The following DISP1 variants were observed in gnomAD, a reference collection of about 807,000 sequenced individuals.
The protein encoded by DISP1 is dispatched RND transporter family member 1.
In DISP1, 30 loss-of-function variants were observed where a neutral mutation model predicts 37.3. The ratio of observed to expected loss-of-function variants is 0.80; its 90% CI spans 0.60 to 1.09. The LOEUF (loss-of-function observed/expected upper bound fraction) is 1.09, where lower values mean the gene tolerates loss of function less well. Ranked by LOEUF, DISP1 falls within the 50% of genes least tolerant of loss-of-function variation. The probability of loss-of-function intolerance (pLI) is 0.00; values close to 1 mark genes in which losing one functional copy is unlikely to be tolerated. For missense variants in DISP1, 1,598 were observed against 1,879.5 expected, an observed-to-expected ratio of 0.85 and a Z score of 2.77; for synonymous variants, 634 against 690.2, an observed-to-expected ratio of 0.92 and a Z score of 1.28.
intron 1 of DISP1, among the ~76,000 whole-genome samples, chr1:222,913,449 C>T (rs578137678): frequency 6.6e-6 from 1 of 152,190 alleles, no homozygotes; most frequent in South Asian, 2.1e-4. Context: ...CATAAAATAT[C>T]TAAATTACTT....
chr1:222,827,424 T>C (rs1339183541), intron 1 of DISP1: 1 of 152,184 alleles, frequency 6.6e-6, no homozygotes, highest in Non-Finnish European at 1.5e-5. Flanking sequence ...TTTTTTGTTC[T>C]TAGAGTCAAC....
intron 1 of DISP1, among the ~76,000 whole-genome samples, chr1:222,889,213 T>A (rs1187086198): frequency 6.6e-6 from 1 of 152,132 alleles, no homozygotes; most frequent in Non-Finnish European, 1.5e-5. Context: ...AAGTTTTATG[T>A]TAAGAACAGG....
chr1:222,936,616 G>GGT (rs1673760304), intron 2 of DISP1, among the ~76,000 whole-genome samples: 1 of 89,462 alleles, frequency 1.1e-5, no homozygotes, highest in Non-Finnish European at 2.3e-5. Flanking sequence ...ATATATATGA[G>GGT]ATATATATAT....
chr1:222,826,542 A>G (rs1219994317), intron 1 of DISP1, among the ~76,000 whole-genome samples: 2 of 151,562 alleles, frequency 1.3e-5, no homozygotes, highest in Non-Finnish European at 2.9e-5. Flanking sequence ...CACCATGCTC[A>G]GCTAATTTTT....
chr1:222,826,377 CTTT>C (rs376799233), intron 1 of DISP1, among the ~76,000 whole-genome samples: 15 of 110,376 alleles, frequency 1.4e-4, no homozygotes, highest in African/African-American at 4.2e-4. Context: ...CACTTTAATA[CTTT>C]TTTTTTTTTT....
At chr1:222,868,049 T>C (rs1320148749) in intron 1 of DISP1, among the ~76,000 whole-genome samples, 1 of 152,154 alleles carries the variant, frequency 6.6e-6, no homozygotes, top group Non-Finnish European at 1.5e-5. Flanking sequence ...TACTAAATTA[T>C]GTTATGTCTA....
At chr1:222,939,837 A>C (rs1347815277) in intron 2 of DISP1, among the ~76,000 whole-genome samples, 1 of 151,762 alleles carries the variant, frequency 6.6e-6, no homozygotes, top group Non-Finnish European at 1.5e-5. Flanking sequence ...TGTCAAAAAA[A>C]AAAAAAGGCC....
In DISP1 at chr1:222,841,728, TTTA is replaced by T. The variant is rs763824072; in HGVS notation, c.-159+26655_-159+26657del. Among the ~76,000 whole-genome samples the T allele has an allele frequency of 1.2e-4, 18 of 152,348 alleles. No individual in the cohort carries two copies. In the Middle Eastern group the frequency reaches 0.01, roughly 86 times the overall value. On this transcript the variant is annotated intron_variant, in intron 1 of 8. Coordinates refer to ENST00000675850, the MANE Select transcript of DISP1 (RefSeq NM_001377229.1). Reference sequence around the variant, plus strand: ...TACTGTTTTATTTTTAAAAGTGATATTTATTATAAGCATATTTGATGTCTGTGT... The same window carrying T: ...TACTGTTTTATTTTTAAAAGTGATATTTATAAGCATATTTGATGTCTGTGT...
At chr1:222,884,606 G>A (rs2125373484) in intron 1 of DISP1, among the ~76,000 whole-genome samples, 1 of 152,264 alleles carries the variant, frequency 6.6e-6, no homozygotes, top group African/African-American at 2.4e-5. Flanking sequence ...TCCTACAGAA[G>A]GGATGCTGTA....
At chr1:222,939,232 T>TGATG (rs1192051715) in intron 2 of DISP1, among the ~76,000 whole-genome samples, 1 of 152,120 alleles carries the variant, frequency 6.6e-6, no homozygotes, top group Non-Finnish European at 1.5e-5. Flanking sequence ...ATGTTATAAG[T>TGATG]GATGATTAGG....
At chr1:222,958,886 A>C (rs531743882) in intron 3 of DISP1, among the ~76,000 whole-genome samples, 91 of 152,296 alleles carry the variant, frequency 6.0e-4, no homozygotes, top group African/African-American at 2.0e-3. Context: ...AACCAGCTAT[A>C]TATGGCTTCT....
intron 3 of DISP1, among the ~76,000 whole-genome samples, chr1:222,981,275 C>T (rs1020698833): frequency 2.6e-5 from 4 of 151,072 alleles, no homozygotes; most frequent in Non-Finnish European, 2.9e-5. Flanking sequence ...GACTTGAGTT[C>T]TCACTACAGC....
chr1:222,942,093 G>T (rs1336989770), intron 2 of DISP1, among the ~76,000 whole-genome samples: 2 of 146,076 alleles, frequency 1.4e-5, no homozygotes, highest in African/African-American at 2.5e-5. Context: ...GAACCTTTTG[G>T]TGGAAGGAAA....
chr1:222,936,832 A>AAT (rs1673854572), intron 2 of DISP1, among the ~76,000 whole-genome samples: 1 of 58,286 alleles, frequency 1.7e-5, no homozygotes, highest in Non-Finnish European at 3.0e-5. Context: ...ATATATATAA[A>AAT]TTATATATAT....
At chr1:222,895,425 T>A (rs1344309931) in intron 1 of DISP1, among the ~76,000 whole-genome samples, 3 of 152,164 alleles carry the variant, frequency 2.0e-5, no homozygotes, top group African/African-American at 7.2e-5. Context: ...TAAGAATAAC[T>A]GATTTTTTAA....
At chr1:222,817,141 G>A (rs1473110950) in intron 1 of DISP1, among the ~76,000 whole-genome samples, 1 of 152,092 alleles carries the variant, frequency 6.6e-6, no homozygotes, top group Non-Finnish European at 1.5e-5. Flanking sequence ...TCTTCTAATT[G>A]TTTAGTAAAT....
At chr1:222,998,961 C>T (rs915487962) in intron 8 of DISP1, among the ~76,000 whole-genome samples, 1 of 152,130 alleles carries the variant, frequency 6.6e-6, no homozygotes, top group Non-Finnish European at 1.5e-5. Flanking sequence ...AGGTTGGTTA[C>T]GCGTGGAGGA....
chr1:222,874,589 TG>T (rs1462320930), intron 1 of DISP1, among the ~76,000 whole-genome samples: 50 of 152,198 alleles, frequency 3.3e-4, no homozygotes, highest in African/African-American at 1.1e-3. Flanking sequence ...GTAGTTCTCG[TG>T]CCTTGGTTTT....
chr1:222,943,749 C>T (rs1183832245), intron 3 of DISP1, among the ~76,000 whole-genome samples: 1 of 152,194 alleles, frequency 6.6e-6, no homozygotes, highest in Non-Finnish European at 1.5e-5. Flanking sequence ...CCCTTGCCGG[C>T]CAGATGCGGT....
Sources: allele counts gnomAD v4.1 joint callset (sites outside exome capture counted in the v4.1 genomes callset), GRCh38; gene constraint gnomAD v4.1.1; transcripts MANE v1.5; gene names NCBI Gene and HGNC (gene_info 2026-07-23, HGNC 2026-07-21).